Variants in ANKRD34A observed in about 807,000 individuals in gnomAD.
ANKRD34A encodes the protein ankyrin repeat domain-containing protein 34A.
A neutral mutation model predicts 27.1 loss-of-function variants in ANKRD34A; 7 were observed. That is an observed-to-expected ratio of 0.26 (90% CI 0.15 to 0.49). The LOEUF (loss-of-function observed/expected upper bound fraction) is 0.49, where lower values mean the gene tolerates loss of function less well. Among genes scored for constraint, ANKRD34A ranks in the 20% least tolerant of loss-of-function variants. ANKRD34A has a pLI of 0.99. For missense variants in ANKRD34A, 472 were observed against 682.1 expected, an observed-to-expected ratio of 0.69 and a Z score of 3.43; for synonymous variants, 301 against 300.8, an observed-to-expected ratio of 1.00 and a Z score of -0.01.
At chr1:145,962,036 G>A (rs1649790754) in intron 3 of ANKRD34A, among the ~76,000 whole-genome samples, 157 bp from the exon 4 acceptor site, 1 of 152,100 alleles carries the variant, frequency 6.6e-6, no homozygotes, top group African/African-American at 2.4e-5. Flanking sequence ...GCCTGAGGAG[G>A]TGGGAAGGGT....
Position 145,960,760 on chromosome 1 carries a change from T to C in ANKRD34A, c.1000A>G (p.Ser334Gly). 6.2e-7 allele frequency: 1 copy of C among 1,614,182 alleles called. No individual in the cohort carries two copies. The highest frequency in any genetic ancestry group is 8.5e-7 in the Non-Finnish European group (1 of 1,180,014). ...GPPSGLRQKL[S>G]RMEPVELDTP... ...TCCAGCTCCACTGGCTCCATGCGGC[T>C]CAGTTTCTGCCTCAGCCCTGAAGGG... Residue 334 changes from serine to glycine, a missense_variant, in exon 4 of 4, where the codon AGC becomes GGC. By Grantham distance (56) the Ser-to-Gly change is moderately conservative. Transcript: ENST00000606888. This position sits in a 1 kb window ranked among gnomAD's most constrained non-coding sequence, Gnocchi z 5.5.
rs902270023 is a variant in ANKRD34A at position 145,962,780 on chromosome 1, C to T, written c.-480G>A. The T allele has an allele frequency of 6.6e-5, 10 of 152,066 alleles. No individual in the cohort carries two copies. Among genetic ancestry groups the T allele is most frequent in the African/African-American group, 2.4e-4 (10 of 41,306 alleles). 9.4% of individuals were successfully genotyped at this position (152,066 alleles called of 1,614,324 possible). On this transcript the variant is annotated 5_prime_UTR_variant, in exon 3 of 4. Coordinates refer to ENST00000606888, the MANE Select transcript of ANKRD34A (RefSeq NM_001039888.4). Reference sequence around the variant, plus strand: ...ACCTAGAGGCTCCAATCCTGACTTCCTTTTCTCAGCCGACCTCCCCTCAGC... The same window carrying T: ...ACCTAGAGGCTCCAATCCTGACTTCTTTTTCTCAGCCGACCTCCCCTCAGC...
Position 145,960,218 on chromosome 1 carries a change from C to A in ANKRD34A, c.*51G>T. On this transcript the variant is annotated 3_prime_UTR_variant, in exon 4 of 4. Coordinates refer to ENST00000606888, the MANE Select transcript of ANKRD34A (RefSeq NM_001039888.4). The surrounding 1 kb of genome is among the most constrained non-coding windows in gnomAD (Gnocchi z 5.5). Reference sequence around the variant, plus strand: ...TGTGTGTGTGAGCTGGTTCTCCCACCTATCCCATTAAGGTCCTAATCCCCA... The same window carrying A: ...TGTGTGTGTGAGCTGGTTCTCCCACATATCCCATTAAGGTCCTAATCCCCA... The A allele has an allele frequency of 6.9e-7, 1 of 1,456,602 alleles. No individual in the cohort carries two copies. The highest frequency in any genetic ancestry group is 2.5e-5 in the East Asian group (1 of 40,464). The allele number at this position is 1,456,602 out of a possible 1,614,324, so 90.2% of individuals were successfully genotyped here. A position where few individuals can be genotyped will look rare whatever the true frequency, so the allele number is the denominator to read the frequency against.
Position 145,960,328 on chromosome 1 carries a change from G to A in ANKRD34A, c.1432C>T (p.Gln478Ter). Residue 478 changes from glutamine (Q) to a stop codon, truncating the protein, a stop_gained, in exon 4 of 4, where the codon CAG becomes TAG. Transcript: ENST00000606888. LOFTEE classifies it high-confidence loss of function. This position sits in a 1 kb window ranked among gnomAD's most constrained non-coding sequence, Gnocchi z 5.5. ...LVRRHSMQTE[Q>*]IRLLGGFQSL... ...TGGAAGCCCCCCAGCAGGCGGATCT[G>A]CTCAGTCTGCATGGAGTGGCGTCTC... The A allele has an allele frequency of 6.2e-7, 1 of 1,609,274 alleles. No individual in the cohort carries two copies. The highest frequency in any genetic ancestry group is 2.2e-5 in the East Asian group (1 of 44,830).
At position 145,960,879 on chromosome 1, in the gene ANKRD34A, C is replaced by T. The variant is rs1553761242; in HGVS notation, c.881G>A (p.Gly294Asp). The T allele has an allele frequency of 6.2e-7, 1 of 1,614,122 alleles. No homozygotes were observed. The highest frequency in any genetic ancestry group is 8.5e-7 in the Non-Finnish European group (1 of 1,180,044). Residue 294 changes from glycine (G) to aspartate (D), a missense_variant, in exon 4 of 4, where the codon GGC becomes GAC. This residue lies in a region of ANKRD34A where 295 missense variants were observed against 335.0 expected (regional missense o/e 0.88). Coordinates refer to ENST00000606888, the MANE Select transcript of ANKRD34A (RefSeq NM_001039888.4). The surrounding 1 kb of genome is among the most constrained non-coding windows in gnomAD (Gnocchi z 5.5). ...PRLSRRHSTE[G>D]PEDPPPWAEK... ...CGCCCATGGGGGCGGGTCCTCAGGG[C>T]CTTCGGTGCTGTGACGTCGGGAAAG... is the stretch of plus-strand genomic sequence containing the variant.
chr1:145,959,969 C>A lies in ANKRD34A; in HGVS notation c.*300G>T, dbSNP rs1649655741. ...TGAACAAATGCAAGAGAGTTTGGGA[C>A]CCTAGCCCTGTGTGTTTATTGATAT... On this transcript the variant is annotated 3_prime_UTR_variant, in exon 4 of 4. Transcript: ENST00000606888. 1 of 374,228 alleles carries A rather than the reference C, an allele frequency of 2.7e-6. No homozygotes were observed. The highest frequency in any genetic ancestry group is 1.3e-4 in the South Asian group (1 of 7,444). 23.2% of individuals were successfully genotyped at this position (374,228 alleles called of 1,614,324 possible). A position where few individuals can be genotyped will look rare whatever the true frequency, so the allele number is the denominator to read the frequency against.
In ANKRD34A at chr1:145,961,171, G is replaced by T. The variant is rs1553761326; in HGVS notation, c.589C>A (p.Arg197Ser). 1.9e-6 allele frequency: 3 copies of T among 1,614,138 alleles called. No homozygotes were observed. In the Middle Eastern group the frequency reaches 4.9e-4, roughly 266 times the overall value. Residue 197 changes from arginine (R) to serine (S), a missense_variant, in exon 4 of 4, where the codon CGT becomes AGT. Around this residue, in one of 4 missense-constraint regions of ANKRD34A, gnomAD observed 295 missense variants for 335.0 expected, o/e 0.88. Transcript: ENST00000606888. The surrounding 1 kb of genome is among the most constrained non-coding windows in gnomAD (Gnocchi z 9.5). ...IQLQTAGGGG[R>S]GMLSPRAQEE... ...TGGGCGCGAGGGGATAACATCCCAC[G>T]CCCTCCTCCTCCAGCGGTCTGCAGT...
rs41312708 is a variant in ANKRD34A at position 145,961,788 on chromosome 1, G to A, written c.-29C>T. 333 of 1,591,352 alleles carry A rather than the reference G, an allele frequency of 2.1e-4. No homozygotes were observed. Among genetic ancestry groups the A allele is most frequent in the Non-Finnish European group, 2.7e-4 (321 of 1,172,364 alleles). On this transcript the variant is annotated 5_prime_UTR_variant, in exon 4 of 4. Coordinates refer to ENST00000606888, the MANE Select transcript of ANKRD34A (RefSeq NM_001039888.4). The surrounding 1 kb of genome is among the most constrained non-coding windows in gnomAD (Gnocchi z 9.5). ...TGCGGCTGGGGCGAGGGCACAGATG[G>A]AGCCGGGACTGAGACCTGCCGAGGA...
chr1:145,961,161 A>G lies in ANKRD34A; in HGVS notation c.599T>C (p.Leu200Ser). Residue 200 changes from leucine (L) to serine (S), a missense_variant, in exon 4 of 4, where the codon TTA (leucine) becomes TCA (serine). Leu to Ser is a moderately radical substitution (Grantham distance 145, BLOSUM62 -2). This residue lies in a region of ANKRD34A where 295 missense variants were observed against 335.0 expected (regional missense o/e 0.88). Coordinates refer to ENST00000606888, the MANE Select transcript of ANKRD34A (RefSeq NM_001039888.4). The surrounding 1 kb of genome is among the most constrained non-coding windows in gnomAD (Gnocchi z 9.5). ...QTAGGGGRGM[L>S]SPRAQEEEEK... ...CTCTTCTTCCTGGGCGCGAGGGGAT[A>G]ACATCCCACGCCCTCCTCCTCCAGC... The G allele has an allele frequency of 6.2e-7, 1 of 1,614,076 alleles. No homozygotes were observed. The highest frequency in any genetic ancestry group is 8.5e-7 in the Non-Finnish European group (1 of 1,179,968).
chr1:145,959,917 C>G lies in ANKRD34A; in HGVS notation c.*352G>C, dbSNP rs1649653205. ...GGAGGGCAAAGACATCGGAGACTGC[C>G]CATAAGTAAGGGTTCCCTACTGCTT... On this transcript the variant is annotated 3_prime_UTR_variant, in exon 4 of 4. Coordinates refer to ENST00000606888, the MANE Select transcript of ANKRD34A (RefSeq NM_001039888.4). 3.6e-6 allele frequency: 1 copy of G among 281,502 alleles called. No homozygotes were observed. The highest frequency in any genetic ancestry group is 6.6e-5 in the East Asian group (1 of 15,224). 17.4% of individuals were successfully genotyped at this position (281,502 alleles called of 1,614,324 possible).
rs922025449 is a variant in ANKRD34A at position 145,961,805 on chromosome 1, T to A, written c.-46A>T. 7 of 1,559,706 alleles carry A rather than the reference T, an allele frequency of 4.5e-6. No homozygotes were observed. Among genetic ancestry groups the A allele is most frequent in the Non-Finnish European group, 6.0e-6 (7 of 1,157,760 alleles). ...CACAGATGGAGCCGGGACTGAGACCTGCCGAGGATGACTAGGGGTATGGGG... is the reference window on the plus strand; with the variant it reads ...CACAGATGGAGCCGGGACTGAGACCAGCCGAGGATGACTAGGGGTATGGGG... On this transcript the variant is annotated 5_prime_UTR_variant, in exon 4 of 4. Coordinates refer to ENST00000606888, the MANE Select transcript of ANKRD34A (RefSeq NM_001039888.4). This position sits in a 1 kb window ranked among gnomAD's most constrained non-coding sequence, Gnocchi z 9.5.
chr1:145,961,954 G>A lies in ANKRD34A; in HGVS notation c.-120-75C>T. On this transcript the variant is annotated intron_variant, in intron 3 of 3. Transcript: ENST00000606888. The surrounding 1 kb of genome is among the most constrained non-coding windows in gnomAD (Gnocchi z 9.5). The stretch of plus-strand genomic sequence containing the variant: ...AGATGCAGGGACCCAGCGTGGGGTG[G>A]AGGAGACCTTCACGGCATACAGTCC... The A allele has an allele frequency of 1.6e-6, 1 of 634,586 alleles. No individual in the cohort carries two copies. Among genetic ancestry groups the A allele is most frequent in the Admixed American group, 3.2e-5 (1 of 31,606 alleles). The allele number at this position is 634,586 out of a possible 1,614,324, so 39.3% of individuals were successfully genotyped here.
Position 145,960,044 on chromosome 1 carries a change from G to A in ANKRD34A, c.*225C>T, listed in dbSNP as rs1194206932. 1 of 460,764 alleles carries A rather than the reference G, an allele frequency of 2.2e-6. No homozygotes were observed. Among genetic ancestry groups the A allele is most frequent in the Admixed American group, 4.2e-5 (1 of 23,974 alleles). 28.5% of individuals were successfully genotyped at this position (460,764 alleles called of 1,614,324 possible). On this transcript the variant is annotated 3_prime_UTR_variant, in exon 4 of 4. Coordinates refer to ENST00000606888, the MANE Select transcript of ANKRD34A (RefSeq NM_001039888.4). The surrounding 1 kb of genome is among the most constrained non-coding windows in gnomAD (Gnocchi z 5.5). Reference sequence around the variant, plus strand: ...ATCCCATATGCATGTGAAATGACCAGGGCATGAATACATGTGTGTATATAC... The same window carrying A: ...ATCCCATATGCATGTGAAATGACCAAGGCATGAATACATGTGTGTATATAC...
At position 145,960,916 on chromosome 1, in the gene ANKRD34A, C is replaced by A; in HGVS notation, c.844G>T (p.Gly282Cys). 1 of 1,614,200 alleles carries A rather than the reference C, an allele frequency of 6.2e-7. No individual in the cohort carries two copies. Among genetic ancestry groups the A allele is most frequent in the Non-Finnish European group, 8.5e-7 (1 of 1,180,032 alleles). Residue 282 changes from glycine to cysteine, a missense_variant, in exon 4 of 4, where the codon GGT becomes TGT. This residue lies in a region of ANKRD34A where 295 missense variants were observed against 335.0 expected (regional missense o/e 0.88). Transcript: ENST00000606888. The surrounding 1 kb of genome is among the most constrained non-coding windows in gnomAD (Gnocchi z 5.5). ...TAEFNGLTLTGRPRLSRRHST... is the reference protein window; with the variant it reads ...TAEFNGLTLTCRPRLSRRHST... ...TGACGTCGGGAAAGACGGGGTCGACCGGTCAGGGTCAGGCCATTGAATTCG... is the reference window on the plus strand; with the variant it reads ...TGACGTCGGGAAAGACGGGGTCGACAGGTCAGGGTCAGGCCATTGAATTCG...
At position 145,960,732 on chromosome 1, in the gene ANKRD34A, G is replaced by A. The variant is rs781786240; in HGVS notation, c.1028C>T (p.Thr343Ile). The A allele has an allele frequency of 2.5e-6, 4 of 1,614,106 alleles. No homozygotes were observed. In the East Asian group the frequency reaches 6.7e-5, roughly 27 times the overall value. ...LSRMEPVELD[T>I]PGHLCPDSPE... is the part of the protein sequence containing the mutation. Reference sequence around the variant, plus strand: ...CGAGTCAGGGCAAAGGTGTCCAGGGGTGTCCAGCTCCACTGGCTCCATGCG... The same window carrying A: ...CGAGTCAGGGCAAAGGTGTCCAGGGATGTCCAGCTCCACTGGCTCCATGCG... Residue 343 changes from threonine to isoleucine, a missense_variant, in exon 4 of 4, where the codon ACC becomes ATC. Thr to Ile is a moderately conservative substitution (Grantham distance 89). This residue lies in a region of ANKRD34A where 295 missense variants were observed against 335.0 expected (regional missense o/e 0.88). Coordinates refer to ENST00000606888, the MANE Select transcript of ANKRD34A (RefSeq NM_001039888.4). This position sits in a 1 kb window ranked among gnomAD's most constrained non-coding sequence, Gnocchi z 5.5.
At position 145,961,817 on chromosome 1, in the gene ANKRD34A, CTA is replaced by C. The variant is rs1649779140; in HGVS notation, c.-60_-59del. The C allele has an allele frequency of 1.3e-6, 2 of 1,537,064 alleles. No individual in the cohort carries two copies. Among genetic ancestry groups the C allele is most frequent in the African/African-American group, 1.4e-5 (1 of 73,566 alleles). On this transcript the variant is annotated 5_prime_UTR_variant, in exon 4 of 4. Coordinates refer to ENST00000606888, the MANE Select transcript of ANKRD34A (RefSeq NM_001039888.4). This position sits in a 1 kb window ranked among gnomAD's most constrained non-coding sequence, Gnocchi z 9.5. ...CGGGACTGAGACCTGCCGAGGATGA[CTA>C]GGGGTATGGGGAGGGGGAGTGGCTG...
Position 145,960,838 on chromosome 1 carries a change from C to A in ANKRD34A, c.922G>T (p.Gly308Trp). 8.1e-6 allele frequency: 13 copies of A among 1,614,242 alleles called. No individual in the cohort carries two copies. The highest frequency in any genetic ancestry group is 1.1e-5 in the Non-Finnish European group (13 of 1,180,046). ...PPPWAEKVTSGGPLSRRNTAP... is the reference protein window; with the variant it reads ...PPPWAEKVTSWGPLSRRNTAP... ...GTGTTTCGGCGAGAGAGAGGACCCC[C>A]GCTAGTCACTTTCTCCGCCCATGGG... Residue 308 changes from glycine to tryptophan, a missense_variant, in exon 4 of 4, where the codon GGG becomes TGG. By Grantham distance (184) the Gly-to-Trp change is radical (BLOSUM62 -2). Coordinates refer to ENST00000606888, the MANE Select transcript of ANKRD34A (RefSeq NM_001039888.4). This position sits in a 1 kb window ranked among gnomAD's most constrained non-coding sequence, Gnocchi z 5.5.
Position 145,961,732 on chromosome 1 carries a change from G to A in ANKRD34A, c.28C>T (p.Leu10Phe). Residue 10 changes from leucine to phenylalanine, a missense_variant, in exon 4 of 4, where the codon CTT becomes TTT. Transcript: ENST00000606888. This position sits in a 1 kb window ranked among gnomAD's most constrained non-coding sequence, Gnocchi z 9.5. Reference sequence around the variant, plus strand: ...AGCTTACCCTGACCCACCGCCCGAAGAAGAGCGTGGCCCTCGGTGTGCAAC... The same window carrying A: ...AGCTTACCCTGACCCACCGCCCGAAAAAGAGCGTGGCCCTCGGTGTGCAAC... MLHTEGHAL[L>F]RAVGQGKLRL... 2 of 1,613,598 alleles carry A rather than the reference G, an allele frequency of 1.2e-6. No individual in the cohort carries two copies. Among genetic ancestry groups the A allele is most frequent in the Non-Finnish European group, 8.5e-7 (1 of 1,179,872 alleles).
Position 145,961,950 on chromosome 1 carries a change from G to T in ANKRD34A, c.-120-71C>A. ...GCACAGATGCAGGGACCCAGCGTGG[G>T]GTGGAGGAGACCTTCACGGCATACA... is the stretch of plus-strand genomic sequence containing the variant. On this transcript the variant is annotated intron_variant, in intron 3 of 3. Coordinates refer to ENST00000606888, the MANE Select transcript of ANKRD34A (RefSeq NM_001039888.4). The surrounding 1 kb of genome is among the most constrained non-coding windows in gnomAD (Gnocchi z 9.5). 3.1e-6 allele frequency: 2 copies of T among 652,768 alleles called. No homozygotes were observed. The highest frequency in any genetic ancestry group is 5.1e-6 in the Non-Finnish European group (2 of 392,100). The allele number at this position is 652,768 out of a possible 1,614,324, so 40.4% of individuals were successfully genotyped here. A position where few individuals can be genotyped will look rare whatever the true frequency, so the allele number is the denominator to read the frequency against.
Sources: allele counts gnomAD v4.1 joint callset (sites outside exome capture counted in the v4.1 genomes callset), GRCh38; gene constraint gnomAD v4.1.1; regional missense constraint gnomAD v4.1.1; non-coding constraint Gnocchi (gnomAD v3.1); transcripts MANE v1.5; gene names NCBI Gene and HGNC (gene_info 2026-07-23, HGNC 2026-07-21).